The following SGCD variants were observed in gnomAD, a reference collection of about 807,000 sequenced individuals.
SGCD encodes the protein sarcoglycan delta, also known as delta-sarcoglycan.
A neutral mutation model predicts 36.6 loss-of-function variants in SGCD; 18 were observed. That is an observed-to-expected ratio of 0.49 (90% CI 0.34 to 0.73). The LOEUF (loss-of-function observed/expected upper bound fraction) is 0.73, where lower values mean the gene tolerates loss of function less well. Ranked by LOEUF, SGCD falls within the 30% of genes least tolerant of loss-of-function variation. The pLI, the probability that SGCD is intolerant of heterozygous loss-of-function variation, is 0.01. For synonymous variants in SGCD, 133 were observed against 130.6 expected, an observed-to-expected ratio of 1.02 and a Z score of -0.12; for missense variants, 387 against 346.7, an observed-to-expected ratio of 1.12 and a Z score of -0.92.
chr5:156,622,443 A>G lies in SGCD; in HGVS notation c.503-25021A>G, dbSNP rs568036906. ...GCAAGACTCTGTCTAAAAAATAATAATAATAATAATAATAATAATAATAAT... is the reference window on the plus strand; with the variant it reads ...GCAAGACTCTGTCTAAAAAATAATAGTAATAATAATAATAATAATAATAAT... On this transcript the variant is annotated intron_variant, in intron 6 of 8. Transcript: ENST00000337851. Among the ~76,000 whole-genome samples the G allele has an allele frequency of 2.2e-4, 22 of 98,532 alleles. 1 individual carries two copies. The South Asian group carries it at 6.1e-3, about 27-fold the overall frequency. 64.6% of individuals were successfully genotyped at this position (98,532 alleles called of 152,430 possible). A position where few individuals can be genotyped will look rare whatever the true frequency, so the allele number is the denominator to read the frequency against.
At chr5:156,233,476 G>C (rs999668365) in intron 3 of SGCD, among the ~76,000 whole-genome samples, 7 of 152,162 alleles carry the variant, frequency 4.6e-5, no homozygotes, top group Admixed American at 6.5e-5. Flanking sequence ...CGGGTATTTA[G>C]TACTGATGAA....
chr5:156,297,787 TAAAA>T (rs1055372123), intron 3 of SGCD, among the ~76,000 whole-genome samples: 5 of 131,532 alleles, frequency 3.8e-5, no homozygotes, highest in South Asian at 2.2e-4. Flanking sequence ...TAAAGTATAA[TAAAA>T]AAATAAATAA....
chr5:155,911,846 C>T (rs1473070682), intron 1 of SGCD, among the ~76,000 whole-genome samples: 1 of 152,058 alleles, frequency 6.6e-6, no homozygotes, highest in Non-Finnish European at 1.5e-5. Context: ...GGGTTATATA[C>T]CTGGTCCATT....
intron 3 of SGCD, among the ~76,000 whole-genome samples, chr5:156,357,839 T>A (rs1335384812): frequency 6.6e-6 from 1 of 152,192 alleles, no homozygotes; most frequent in African/African-American, 2.4e-5. Flanking sequence ...AGTGGAGTAC[T>A]TCCTAGGTCT....
At chr5:156,746,910 C>G (rs58140367) in intron 7 of SGCD, among the ~76,000 whole-genome samples, 1 of 147,740 alleles carries the variant, frequency 6.8e-6, no homozygotes, top group Non-Finnish European at 1.5e-5. Flanking sequence ...TTAAGAGACA[C>G]TGCTTAAAAA....
At position 156,049,886 on chromosome 5, in the gene SGCD, G is replaced by A. The variant is rs552267582; in HGVS notation, c.-281-67992G>A. 1.8e-4 allele frequency among the ~76,000 whole-genome samples: 27 copies of A among 146,584 alleles called. 4 individuals carry two copies. The highest frequency in any genetic ancestry group is 7.1e-3 in the Middle Eastern group (2 of 280). On this transcript the variant is annotated intron_variant, in intron 1 of 9. Coordinates refer to the SGCD transcript ENST00000517913. ...ACTAGCCAGAGAACTGGAATTAGAAGTAGAGCCTGGAGCTGTGACTGAAGT... is the reference window on the plus strand; with the variant it reads ...ACTAGCCAGAGAACTGGAATTAGAAATAGAGCCTGGAGCTGTGACTGAAGT...
chr5:156,554,124 G>A (rs1379374965), intron 4 of SGCD, among the ~76,000 whole-genome samples: 1 of 152,248 alleles, frequency 6.6e-6, no homozygotes, highest in African/African-American at 2.4e-5. Context: ...GGGAAGCCAA[G>A]GCAGTCAGAT....
chr5:156,541,240 A>T (rs1249653841), intron 4 of SGCD, among the ~76,000 whole-genome samples: 1 of 152,184 alleles, frequency 6.6e-6, no homozygotes, highest in Non-Finnish European at 1.5e-5. Flanking sequence ...GTTATGTTGG[A>T]GGGCTGGGGT....
In SGCD at chr5:156,372,260, G is replaced by A. The variant is rs79737312; in HGVS notation, c.192+27583G>A. 9.6e-3 allele frequency among the ~76,000 whole-genome samples: 1,455 copies of A among 152,292 alleles called. 22 individuals carry two copies. The highest frequency in any genetic ancestry group is 0.033 in the African/African-American group (1,353 of 41,556). ...AATATTATCTAAGAGGTATGGTATCGTGGGATTTATGTTTTATAGCACCTT... is the reference window on the plus strand; with the variant it reads ...AATATTATCTAAGAGGTATGGTATCATGGGATTTATGTTTTATAGCACCTT... On this transcript the variant is annotated intron_variant, in intron 3 of 8. Coordinates refer to ENST00000337851, the MANE Select transcript of SGCD (RefSeq NM_000337.6).
At chr5:156,295,401 C>A (rs755416550) in intron 3 of SGCD, among the ~76,000 whole-genome samples, 1 of 152,066 alleles carries the variant, frequency 6.6e-6, no homozygotes, top group East Asian at 1.9e-4. Flanking sequence ...TTTTGAAGAA[C>A]CATCTCTTGA....
the SGCD span, among the ~76,000 whole-genome samples, chr5:155,816,658 A>G: frequency 4.2e-4 from 64 of 152,300 alleles, 1 homozygote; most frequent in East Asian, 0.012. Flanking sequence ...GAGGCACTGA[A>G]GGAGAGCTTC....
intron 1 of SGCD, among the ~76,000 whole-genome samples, chr5:155,883,327 G>C (rs1368713288): frequency 6.6e-6 from 1 of 152,166 alleles, no homozygotes; most frequent in Non-Finnish European, 1.5e-5. Context: ...GCTGTTTGGT[G>C]CAAGAGGCCC....
chr5:155,778,902 C>T, the SGCD span, among the ~76,000 whole-genome samples: 4 of 152,148 alleles, frequency 2.6e-5, no homozygotes, highest in African/African-American at 7.2e-5. Flanking sequence ...TGAATTACTT[C>T]TTCAGATACA....
At chr5:156,239,412 A>AG (rs1348998557) in intron 3 of SGCD, among the ~76,000 whole-genome samples, 2 of 151,574 alleles carry the variant, frequency 1.3e-5, no homozygotes, top group Non-Finnish European at 2.9e-5. Flanking sequence ...AAAAAAAAAA[A>AG]AAAAAAAAAT....
At chr5:156,534,432 TTATACTC>T (rs1440023510) in intron 4 of SGCD, among the ~76,000 whole-genome samples, 1 of 152,214 alleles carries the variant, frequency 6.6e-6, no homozygotes, top group South Asian at 2.1e-4. Flanking sequence ...TCCTGATTCT[TTATACTC>T]TATTCTGCTT....
intron 4 of SGCD, among the ~76,000 whole-genome samples, chr5:156,521,054 A>G (rs1396219609): frequency 6.6e-6 from 1 of 150,894 alleles, no homozygotes; most frequent in South Asian, 2.1e-4. Context: ...CCACACATCT[A>G]CAACCATCTG....
intron 3 of SGCD, among the ~76,000 whole-genome samples, chr5:156,212,607 A>G (rs1295276690): frequency 6.6e-6 from 1 of 152,128 alleles, no homozygotes; most frequent in Non-Finnish European, 1.5e-5. Context: ...AAAAGTCAAC[A>G]AGGAAACATC....
intron 1 of SGCD, among the ~76,000 whole-genome samples, chr5:155,952,831 T>A (rs776758770): frequency 2.0e-5 from 3 of 152,200 alleles, no homozygotes; most frequent in Non-Finnish European, 4.4e-5. Context: ...AAAAGTGTAA[T>A]GAAATGTGCC....
At chr5:156,321,121 AAAAC>A (rs1174457493) in intron 3 of SGCD, among the ~76,000 whole-genome samples, 4 of 152,178 alleles carry the variant, frequency 2.6e-5, no homozygotes, top group Non-Finnish European at 4.4e-5. Flanking sequence ...ATTAAAAACA[AAAAC>A]AAAAACAAAA....
Sources: allele counts gnomAD v4.1 joint callset (sites outside exome capture counted in the v4.1 genomes callset), GRCh38; gene constraint gnomAD v4.1.1; transcripts MANE v1.5; gene names NCBI Gene and HGNC (gene_info 2026-07-23, HGNC 2026-07-21).